Variants in AFG2A observed in about 807,000 individuals in gnomAD.
The protein encoded by AFG2A is ATPase family gene 2 protein homolog A.
chr4:122,923,086 T>G, the AFG2A span: 1 of 1,606,452 alleles, frequency 6.2e-7, no homozygotes, highest in African/African-American at 1.3e-5. Context: ...TTCTCTCAGT[T>G]GAAGCGCGCA....
the AFG2A span, chr4:122,928,890 T>C: frequency 3.3e-6 from 3 of 920,568 alleles, no homozygotes; most frequent in Non-Finnish European, 4.6e-6. Context: ...TTTATCTTAT[T>C]GCAATTGGTA....
At chr4:123,082,643 T>C in the AFG2A span, among the ~76,000 whole-genome samples, 1 of 151,986 alleles carries the variant, frequency 6.6e-6, no homozygotes, top group Non-Finnish European at 1.5e-5. Flanking sequence ...TTGAATTAGC[T>C]ATTTTGGATC....
chr4:123,318,125 A>G, the AFG2A span: 1 of 152,214 alleles, frequency 6.6e-6, no homozygotes, highest in Non-Finnish European at 1.5e-5. Context: ...TTTACAATGC[A>G]ATCCACAGTG....
chr4:123,117,396 A>G, the AFG2A span, among the ~76,000 whole-genome samples: 1 of 151,066 alleles, frequency 6.6e-6, no homozygotes, highest in African/African-American at 2.4e-5. Flanking sequence ...ATGTGTTTAC[A>G]TTGCTTTCCA....
chr4:123,264,295 A>G, the AFG2A span, among the ~76,000 whole-genome samples: 9 of 152,308 alleles, frequency 5.9e-5, no homozygotes, highest in East Asian at 1.9e-4. Context: ...CCAAAATCTC[A>G]GAAATCACCA....
At chr4:123,007,432 A>G in the AFG2A span, among the ~76,000 whole-genome samples, 1 of 151,428 alleles carries the variant, frequency 6.6e-6, no homozygotes, top group South Asian at 2.1e-4. Flanking sequence ...TTTCCGTCAC[A>G]CACAGGGTTT....
At chr4:123,014,262 T>C in the AFG2A span, among the ~76,000 whole-genome samples, 1 of 152,238 alleles carries the variant, frequency 6.6e-6, no homozygotes, top group Non-Finnish European at 1.5e-5. Context: ...ATAGGGAAGT[T>C]ATTCAAGGAA....
the AFG2A span, among the ~76,000 whole-genome samples, chr4:123,288,988 A>T: frequency 6.6e-6 from 1 of 152,224 alleles, no homozygotes; most frequent in Non-Finnish European, 1.5e-5. Flanking sequence ...CACAAATACT[A>T]ACATTGAACC....
At chr4:123,195,635 G>T in the AFG2A span, among the ~76,000 whole-genome samples, 1 of 152,078 alleles carries the variant, frequency 6.6e-6, no homozygotes, top group Admixed American at 6.5e-5. Flanking sequence ...ACTATGAAAA[G>T]AAAAACAAAA....
At chr4:123,096,413 A>G in the AFG2A span, among the ~76,000 whole-genome samples, 1 of 152,076 alleles carries the variant, frequency 6.6e-6, no homozygotes, top group African/African-American at 2.4e-5. Context: ...TTAAATGCCC[A>G]AACTTTTGGA....
chr4:123,194,270 C>A, the AFG2A span, among the ~76,000 whole-genome samples: 1 of 152,188 alleles, frequency 6.6e-6, no homozygotes, highest in Admixed American at 6.5e-5. Context: ...GAAGAATGGT[C>A]TTGGGCCACA....
chr4:123,089,925 G>A, the AFG2A span, among the ~76,000 whole-genome samples: 1 of 151,962 alleles, frequency 6.6e-6, no homozygotes, highest in Non-Finnish European at 1.5e-5. Context: ...ATTTTTTTGT[G>A]GTCAAAGGAC....
the AFG2A span, chr4:122,923,156 A>T: frequency 9.3e-6 from 15 of 1,614,212 alleles, no homozygotes; most frequent in Non-Finnish European, 1.3e-5. Flanking sequence ...TCTTCCAAGA[A>T]GAATAGAAAG....
At chr4:123,017,851 G>A in the AFG2A span, among the ~76,000 whole-genome samples, 1 of 152,064 alleles carries the variant, frequency 6.6e-6, no homozygotes, top group Non-Finnish European at 1.5e-5. Flanking sequence ...TTTTGTCCCT[G>A]GTGGTAAAAA....
chr4:122,929,276 A>T, the AFG2A span: 2 of 1,423,418 alleles, frequency 1.4e-6, no homozygotes, highest in Non-Finnish European at 1.8e-6. Flanking sequence ...TAAACCACAT[A>T]TGTAATTTTG....
the AFG2A span, chr4:123,090,525 A>G: frequency 8.8e-6 from 14 of 1,585,970 alleles, no homozygotes; most frequent in Admixed American, 1.0e-4. Context: ...ATTAATAGAT[A>G]ATAGTATTTG....
the AFG2A span, among the ~76,000 whole-genome samples, chr4:122,977,481 C>T: frequency 6.6e-5 from 10 of 152,312 alleles, no homozygotes; most frequent in Admixed American, 3.3e-4. Flanking sequence ...CACCAGGTAA[C>T]GTGGTGGTAC....
the AFG2A span, chr4:122,933,318 T>C: frequency 1.4e-6 from 1 of 719,732 alleles, no homozygotes; most frequent in Non-Finnish European, 2.3e-6. Flanking sequence ...ATTTTAAGGT[T>C]GCAGGTGGAT....
At chr4:123,019,598 A>G in the AFG2A span, among the ~76,000 whole-genome samples, 6 of 152,218 alleles carry the variant, frequency 3.9e-5, no homozygotes, top group Non-Finnish European at 7.3e-5. Context: ...AAAACTTGAC[A>G]TCTTACATGT....
Sources: allele counts gnomAD v4.1 joint callset (sites outside exome capture counted in the v4.1 genomes callset), GRCh38; gene constraint gnomAD v4.1.1; transcripts MANE v1.5; gene names NCBI Gene and HGNC (gene_info 2026-07-23, HGNC 2026-07-21).